The following THSD7B variants were observed in gnomAD, a reference collection of about 807,000 sequenced individuals.
The protein encoded by THSD7B is thrombospondin type 1 domain containing 7B, also known as thrombospondin type-1 domain-containing protein 7B.
A neutral mutation model predicts 213.6 loss-of-function variants in THSD7B; 138 were observed. That is an observed-to-expected ratio of 0.65 (90% CI 0.56 to 0.74). THSD7B has a LOEUF of 0.74. Among genes scored for constraint, THSD7B ranks in the 30% least tolerant of loss-of-function variants. The pLI is 0.00. For missense variants in THSD7B, 1,931 were observed against 1,991.5 expected (o/e 0.97, Z 0.58); for synonymous variants, 742 against 687.0 (o/e 1.08, Z -1.25).
intron 17 of THSD7B, among the ~76,000 whole-genome samples, chr2:137,612,423 G>C (rs1236156336): frequency 1.3e-5 from 2 of 152,132 alleles, no homozygotes; most frequent in Non-Finnish European, 2.9e-5. Context: ...GTGCAGGTTG[G>C]AGGATGACAA....
chr2:137,295,557 C>A (rs1573940771), intron 12 of THSD7B, among the ~76,000 whole-genome samples: 1 of 151,198 alleles, frequency 6.6e-6, no homozygotes, highest in East Asian at 1.9e-4. Context: ...CTTACTGCAA[C>A]CTCCTACTCC....
chr2:137,064,074 G>A (rs1443867988), intron 3 of THSD7B, among the ~76,000 whole-genome samples: 3 of 151,816 alleles, frequency 2.0e-5, no homozygotes, highest in African/African-American at 4.8e-5. Context: ...TTAGTTTTTC[G>A]AGGAGCCTCT....
chr2:137,124,623 G>C (rs1382681963), intron 5 of THSD7B, among the ~76,000 whole-genome samples: 2 of 152,126 alleles, frequency 1.3e-5, no homozygotes, highest in East Asian at 3.8e-4. Context: ...AGTGAACTAG[G>C]ATGCTAGTTC....
At chr2:137,164,814 G>C (rs1680089373) in intron 6 of THSD7B, among the ~76,000 whole-genome samples, 1 of 152,134 alleles carries the variant, frequency 6.6e-6, no homozygotes, top group Admixed American at 6.5e-5. Flanking sequence ...CTCACTCATA[G>C]GTGGGAATTG....
intron 7 of THSD7B, among the ~76,000 whole-genome samples, chr2:137,193,458 G>A (rs190917959): frequency 2.5e-4 from 38 of 152,240 alleles, no homozygotes; most frequent in Admixed American, 5.2e-4. Context: ...TACTCTCTTA[G>A]CAATTTTGAA....
At chr2:137,059,871 A>G (rs568861885) in intron 3 of THSD7B, among the ~76,000 whole-genome samples, 1 of 152,278 alleles carries the variant, frequency 6.6e-6, no homozygotes, top group African/African-American at 2.4e-5. Flanking sequence ...TAGGTTTTCA[A>G]GTCATTTGGG....
intron 20 of THSD7B, among the ~76,000 whole-genome samples, chr2:137,639,594 AACC>A (rs1176138583): frequency 1.3e-5 from 2 of 152,094 alleles, no homozygotes; most frequent in Non-Finnish European, 2.9e-5. Context: ...GTGCCTGGAA[AACC>A]TGCAGACACT....
chr2:136,920,985 T>C (rs1006292296), intron 2 of THSD7B, among the ~76,000 whole-genome samples: 2 of 152,202 alleles, frequency 1.3e-5, no homozygotes, highest in East Asian at 3.9e-4. Flanking sequence ...GGTTGGGGGC[T>C]TCCTGGGCCC....
At chr2:137,495,067 G>A (rs1679529099) in intron 15 of THSD7B, among the ~76,000 whole-genome samples, 1 of 152,052 alleles carries the variant, frequency 6.6e-6, no homozygotes, top group Non-Finnish European at 1.5e-5. Flanking sequence ...ATTGTTTGTT[G>A]TTTGTCTGTT....
rs60861263 is a variant in THSD7B at position 136,777,677 on chromosome 2, G to A, written c.-36+11990G>A. Among the ~76,000 whole-genome samples, 52 of 152,212 alleles carry A rather than the reference G, an allele frequency of 3.4e-4. 2 individuals carry two copies. The East Asian group carries it at 9.8e-3, about 29-fold the overall frequency. ...CTGAAGATTTAGACAAGGAAAACGA[G>A]TAATTTTGGACTAAACATAAAATGA... On this transcript the variant is annotated intron_variant, in intron 1 of 27. Transcript: ENST00000409968.
At chr2:136,830,120 G>GCA (rs1491561623) in intron 1 of THSD7B, among the ~76,000 whole-genome samples, 1 of 151,008 alleles carries the variant, frequency 6.6e-6, no homozygotes, top group African/African-American at 2.5e-5. Flanking sequence ...GTATGCCTGT[G>GCA]CGCGCACACA....
chr2:136,913,158 CTT>C (rs1312280308), intron 2 of THSD7B, among the ~76,000 whole-genome samples: 4 of 152,160 alleles, frequency 2.6e-5, no homozygotes, highest in Admixed American at 1.3e-4. Flanking sequence ...AAAGGCGACT[CTT>C]GTTTCATTTT....
chr2:137,182,425 G>GATAGTGTATGAAGCTGCCT (rs60401145), intron 7 of THSD7B, among the ~76,000 whole-genome samples: 3,392 of 150,668 alleles, frequency 0.023, 205 homozygotes, highest in African/African-American at 0.078. Context: ...TCACAGCTGT[G>GATAGTGTATGAAGCTGCCT]ATAGTGTATG....
In THSD7B at chr2:137,626,410, G is replaced by A. The variant is rs897546518; in HGVS notation, c.3799+5684G>A. Among the ~76,000 whole-genome samples, 3 of 148,838 alleles carry A rather than the reference G, an allele frequency of 2.0e-5. No individual in the cohort carries two copies. The Admixed American group carries it at 2.0e-4, about 10-fold the overall frequency. ...ACCCCGGAGGCGGAGCTTGCAGTGA[G>A]CCAAGATAGCGCCACTGCAGTAGCG... On this transcript the variant is annotated intron_variant, in intron 20 of 27. Coordinates refer to ENST00000409968, the MANE Select transcript of THSD7B (RefSeq NM_001316349.2).
intron 2 of THSD7B, among the ~76,000 whole-genome samples, chr2:136,916,879 T>A (rs1160032518): frequency 6.6e-6 from 1 of 152,180 alleles, no homozygotes; most frequent in Non-Finnish European, 1.5e-5. Context: ...ATCAATGGCT[T>A]CATTCTTTAG....
Position 137,558,750 on chromosome 2 carries a change from A to T in THSD7B, c.3139-4471A>T, listed in dbSNP as rs1020376649. Among the ~76,000 whole-genome samples, 14 of 152,188 alleles carry T rather than the reference A, an allele frequency of 9.2e-5. 1 individual carries two copies. Among genetic ancestry groups the T allele is most frequent in the African/African-American group, 3.4e-4 (14 of 41,450 alleles). ...AGGAGAAAGAAATAAATGGTATTCA[A>T]TTAGGAAAAGAGGAATTCAAATTGT... On this transcript the variant is annotated intron_variant, in intron 15 of 27. Transcript: ENST00000409968.
intron 3 of THSD7B, 82 bp from the exon 4 acceptor site, chr2:137,094,791 T>G (rs1688009667): frequency 6.7e-7 from 1 of 1,500,776 alleles, no homozygotes; most frequent in Non-Finnish European, 8.9e-7. Flanking sequence ...TTCAGAGTTT[T>G]TTTTCTCATG....
At chr2:137,433,861 C>A (rs921700498) in intron 14 of THSD7B, among the ~76,000 whole-genome samples, 1 of 152,206 alleles carries the variant, frequency 6.6e-6, no homozygotes, top group African/African-American at 2.4e-5. Context: ...TTGTAACCCC[C>A]AATCTGAGTA....
At chr2:137,136,803 T>C (rs992872115) in intron 5 of THSD7B, among the ~76,000 whole-genome samples, 3 of 152,236 alleles carry the variant, frequency 2.0e-5, no homozygotes, top group Non-Finnish European at 4.4e-5. Context: ...AAAACTTTCA[T>C]CTTAATTTTT....
Sources: allele counts gnomAD v4.1 joint callset (sites outside exome capture counted in the v4.1 genomes callset), GRCh38; gene constraint gnomAD v4.1.1; transcripts MANE v1.5; gene names NCBI Gene and HGNC (gene_info 2026-07-23, HGNC 2026-07-21).